POLK: variants seen among roughly 807,000 people sequenced by gnomAD.
POLK encodes DNA polymerase kappa.
In POLK, 76 loss-of-function variants were observed where a neutral mutation model predicts 94.0. That is an observed-to-expected ratio of 0.81 (90% confidence interval 0.67 to 0.98). POLK has a LOEUF of 0.98. Ranked by LOEUF, POLK falls within the 50% of genes least tolerant of loss-of-function variation. The probability of loss-of-function intolerance (pLI) is 0.00; values close to 1 mark genes in which losing one functional copy is unlikely to be tolerated. For synonymous variants in POLK, 349 were observed against 325.4 expected (o/e 1.07, Z -0.78); for missense variants, 954 against 1,010.1 (o/e 0.94, Z 0.75).
intron 7 of POLK, chr5:75,582,236 C>A: frequency 2.0e-6 from 1 of 489,522 alleles, no homozygotes; most frequent in Non-Finnish European, 2.7e-6. Context: ...TGTCTCTTAA[C>A]ATAATAACTG....
At chr5:75,539,299 T>C (rs1174808776) in intron 1 of POLK, among the ~76,000 whole-genome samples, 1 of 152,112 alleles carries the variant, frequency 6.6e-6, no homozygotes, top group Non-Finnish European at 1.5e-5. Flanking sequence ...AGCAGTATTT[T>C]TGGGATGTTT....
downstream of POLK, among the ~76,000 whole-genome samples, chr5:75,603,076 G>A (rs1773333749): frequency 6.6e-6 from 1 of 152,210 alleles, no homozygotes; most frequent in Non-Finnish European, 1.5e-5. Flanking sequence ...AGGCATATAT[G>A]TAAGAAGGCT....
At chr5:75,559,867 A>G (rs1359646463) in intron 3 of POLK, among the ~76,000 whole-genome samples, 4 of 151,822 alleles carry the variant, frequency 2.6e-5, no homozygotes, top group African/African-American at 9.7e-5. Flanking sequence ...AATTTATTCA[A>G]CAGTCTTGGG....
At chr5:75,602,412 G>A (rs890874906), downstream of POLK, among the ~76,000 whole-genome samples, 6 of 152,236 alleles carry the variant, frequency 3.9e-5, no homozygotes, top group Admixed American at 3.9e-4. Context: ...GAAATTCCAC[G>A]AGCTCAGGTC....
At chr5:75,511,673 T>A, upstream of POLK, 1 of 1,497,778 alleles carries the variant, frequency 6.7e-7, no homozygotes, top group South Asian at 1.3e-5. Flanking sequence ...CGTCCTCCCA[T>A]TCTCCCCCAC....
chr5:75,588,358 A>G (rs1772581752), intron 10 of POLK, among the ~76,000 whole-genome samples: 1 of 152,208 alleles, frequency 6.6e-6, no homozygotes, highest in African/African-American at 2.4e-5. Context: ...ATAAAAAGGA[A>G]CAGTAAGCCA....
chr5:75,530,245 C>CTTTTT (rs575507126), intron 1 of POLK, among the ~76,000 whole-genome samples: 150 of 95,888 alleles, frequency 1.6e-3, no homozygotes, highest in Non-Finnish European at 2.0e-3. Flanking sequence ...ATTTGTATTT[C>CTTTTT]TTTTTTTTTT....
intron 10 of POLK, among the ~76,000 whole-genome samples, chr5:75,589,438 C>CATATAT (rs59250485): frequency 6.9e-6 from 1 of 143,992 alleles, no homozygotes; most frequent in African/African-American, 2.6e-5. Flanking sequence ...CACACACACA[C>CATATAT]GTGGAATATT....
intron 3 of POLK, among the ~76,000 whole-genome samples, chr5:75,560,995 G>A (rs779036933): frequency 1.4e-4 from 22 of 152,150 alleles, no homozygotes; most frequent in Non-Finnish European, 2.2e-4. Context: ...TGTCTTTATA[G>A]TAGAATGATT....
chr5:75,589,352 G>T (rs1056576008), intron 10 of POLK, among the ~76,000 whole-genome samples: 3 of 145,164 alleles, frequency 2.1e-5, no homozygotes, highest in African/African-American at 7.7e-5. Context: ...AGAGGAAAAT[G>T]TCTTCTTGTT....
chr5:75,583,400 G>T, exon 8 of POLK: 2 of 1,598,840 alleles, frequency 1.3e-6, no homozygotes, highest in Non-Finnish European at 1.7e-6. Flanking sequence ...CTTCATCAAG[G>T]ATTTACCCAT....
intron 11 of POLK, among the ~76,000 whole-genome samples, chr5:75,590,915 A>T (rs1173738411): frequency 6.6e-6 from 1 of 152,206 alleles, no homozygotes; most frequent in Admixed American, 6.5e-5. Context: ...AACAAAACCT[A>T]TAAGGCTTTG....
intron 1 of POLK, among the ~76,000 whole-genome samples, chr5:75,521,143 T>C (rs5744553): frequency 0.017 from 2,538 of 152,286 alleles, 36 homozygotes; most frequent in South Asian, 0.026. Context: ...TGAATATTGA[T>C]ATTTTTCTTA....
intron 7 of POLK, chr5:75,582,507 T>G (rs1241947904): frequency 6.6e-6 from 1 of 152,218 alleles, no homozygotes; most frequent in Non-Finnish European, 1.5e-5. Context: ...CACCATCTAA[T>G]TATCATTATT....
At chr5:75,521,325 C>A (rs1409608523) in intron 1 of POLK, among the ~76,000 whole-genome samples, 1 of 151,962 alleles carries the variant, frequency 6.6e-6, no homozygotes, top group Non-Finnish European at 1.5e-5. Flanking sequence ...TTTAAAATAG[C>A]CTGCCTTCTA....
intron 4 of POLK, 103 bp downstream of exon 4, chr5:75,569,595 G>A (rs1319015802): frequency 9.7e-7 from 1 of 1,030,808 alleles, no homozygotes; most frequent in Non-Finnish European, 1.4e-6. Flanking sequence ...CCAGTTTGCT[G>A]AGTATTTTTC....
intron 1 of POLK, among the ~76,000 whole-genome samples, chr5:75,517,090 T>C (rs1332618397): frequency 6.6e-6 from 1 of 152,236 alleles, no homozygotes; most frequent in Non-Finnish European, 1.5e-5. Context: ...TGCCCCAAGC[T>C]TTGTTCTTTT....
the POLK span, chr5:75,609,093 T>A: frequency 6.6e-6 from 1 of 152,186 alleles, no homozygotes. Context: ...GTAAGATAAG[T>A]ACCACATACT....
exon 13 of POLK, chr5:75,597,132 T>C: frequency 6.2e-7 from 1 of 1,611,132 alleles, no homozygotes; most frequent in Non-Finnish European, 8.5e-7. Context: ...TAAGAAAGGA[T>C]AAATTTAACC....
Sources: gnomAD v4.1 joint callset for allele counts (sites outside exome capture counted in the v4.1 genomes callset) on GRCh38, gnomAD v4.1.1 for gene constraint, MANE v1.5 for transcripts, NCBI Gene and HGNC (gene_info 2026-07-23, HGNC 2026-07-21) for gene names.